Variants in VPS53 observed in about 807,000 individuals in gnomAD.
The protein encoded by VPS53 is vacuolar protein sorting-associated protein 53 homolog.
A neutral mutation model predicts 107.0 loss-of-function variants in VPS53; 70 were observed. That is an observed-to-expected ratio of 0.65 (90% CI 0.54 to 0.80). The LOEUF is 0.80. VPS53 is among the 30% of genes least tolerant of loss of function. The probability of loss-of-function intolerance (pLI) is 0.00; values close to 1 mark genes in which losing one functional copy is unlikely to be tolerated. For missense variants in VPS53, 917 were observed against 1,049.4 expected, an observed-to-expected ratio of 0.87 and a Z score of 1.74; for synonymous variants, 409 against 393.3, an observed-to-expected ratio of 1.04 and a Z score of -0.47.
At chr17:542,224 C>T (rs1910753549) in intron 17 of VPS53, among the ~76,000 whole-genome samples, 1 of 152,152 alleles carries the variant, frequency 6.6e-6, no homozygotes, top group Non-Finnish European at 1.5e-5. Flanking sequence ...ATTATTACTC[C>T]TCTTTGTGAG....
chr17:661,716 C>A (rs780380626), intron 5 of VPS53, 93 bp downstream of exon 5: 87 of 1,225,928 alleles, frequency 7.1e-5, no homozygotes, highest in Non-Finnish European at 9.6e-5. Context: ...GCAGGAGGTG[C>A]CATTATTAGA....
intron 19 of VPS53, among the ~76,000 whole-genome samples, chr17:522,677 G>A (rs1380544600): frequency 6.6e-6 from 1 of 152,230 alleles, no homozygotes; most frequent in Non-Finnish European, 1.5e-5. Flanking sequence ...TGAGGATGTA[G>A]GAGATTTACC....
intron 12 of VPS53, among the ~76,000 whole-genome samples, chr17:592,319 A>T (rs1195334073): frequency 6.6e-6 from 1 of 152,160 alleles, no homozygotes; most frequent in East Asian, 1.9e-4. Flanking sequence ...AATACAGCAC[A>T]CTGATGGGTC....
chr17:709,255 C>T (rs1440121015), intron 2 of VPS53, among the ~76,000 whole-genome samples: 1 of 150,508 alleles, frequency 6.6e-6, no homozygotes, highest in Admixed American at 6.7e-5. Context: ...CCTGGTATCA[C>T]GGCCACCATG....
chr17:603,217 A>G (rs1296400324), intron 11 of VPS53, among the ~76,000 whole-genome samples: 1 of 152,154 alleles, frequency 6.6e-6, no homozygotes, highest in Admixed American at 6.5e-5. Context: ...TGAGGTCAGG[A>G]GTTCAAGACC....
At chr17:628,377 G>T in intron 8 of VPS53, 146 bp from the exon 9 acceptor site, 1 of 954,582 alleles carries the variant, frequency 1.0e-6, no homozygotes, top group Non-Finnish European at 1.5e-6. Flanking sequence ...GGCTGGATCT[G>T]TCAGTTACCT....
intron 15 of VPS53, among the ~76,000 whole-genome samples, chr17:553,693 C>T (rs1057009781): frequency 6.6e-5 from 10 of 151,736 alleles, no homozygotes; most frequent in African/African-American, 2.2e-4. Context: ...GCCTCAGCCT[C>T]CCGAGTAGCT....
intron 13 of VPS53, among the ~76,000 whole-genome samples, chr17:575,681 C>G (rs1914538059): frequency 6.6e-6 from 1 of 151,294 alleles, no homozygotes; most frequent in South Asian, 2.1e-4. Flanking sequence ...CAGGGAACCT[C>G]CCTCAGAACC....
intron 19 of VPS53, among the ~76,000 whole-genome samples, chr17:526,675 G>A (rs1222918879): frequency 2.0e-5 from 3 of 152,230 alleles, no homozygotes; most frequent in African/African-American, 7.2e-5. Flanking sequence ...CTGCCTCAGC[G>A]ATAATTTCTG....
chr17:567,678 G>A (rs980425210), intron 13 of VPS53, among the ~76,000 whole-genome samples: 19 of 151,918 alleles, frequency 1.3e-4, no homozygotes, highest in African/African-American at 4.3e-4. Context: ...GAGGAGGCCA[G>A]GAGTTTGAGA....
intron 17 of VPS53, among the ~76,000 whole-genome samples, chr17:544,812 G>C (rs917755352): frequency 2.0e-5 from 3 of 152,072 alleles, no homozygotes. Context: ...AGGCACAGTG[G>C]CTCACACCTG....
intron 11 of VPS53, among the ~76,000 whole-genome samples, chr17:611,403 C>T (rs1968865621): frequency 6.6e-6 from 1 of 152,190 alleles, no homozygotes; most frequent in African/African-American, 2.4e-5. Flanking sequence ...ACTCTACACC[C>T]ATGAGAATGG....
chr17:696,791 C>CTTTT lies in VPS53; in HGVS notation c.285+623_285+626dup, dbSNP rs67948585. Reference sequence around the variant, plus strand: ...ACTAGATCCAATAAGACTTATAAAACTTTTTTTTTTTTTTTTTTTTGAGAC... The same window carrying CTTTT: ...ACTAGATCCAATAAGACTTATAAAACTTTTTTTTTTTTTTTTTTTTTTTTGAGAC... On this transcript the variant is annotated intron_variant, in intron 4 of 21. Coordinates refer to ENST00000437048, the MANE Select transcript of VPS53 (RefSeq NM_001128159.3). Among the ~76,000 whole-genome samples the CTTTT allele has an allele frequency of 3.3e-4, 37 of 113,758 alleles. 1 individual carries two copies. The highest frequency in any genetic ancestry group is 5.5e-4 in the South Asian group (2 of 3,620). 74.6% of individuals were successfully genotyped at this position (113,758 alleles called of 152,430 possible).
rs1363696582 is a variant in VPS53, at chr17:520,265, T to G, written c.2224-335A>C. Among the ~76,000 whole-genome samples, 1 of 152,162 alleles carries G rather than the reference T, an allele frequency of 6.6e-6. No homozygotes were observed. Among genetic ancestry groups the G allele is most frequent in the Non-Finnish European group, 1.5e-5 (1 of 68,016 alleles). The stretch of plus-strand genomic sequence containing the variant: ...CCCTCCTCTAAAGACTCTAATTCAG[T>G]AGGCCTGGCTGGAGTCCCAGGTGAC... On this transcript the variant is annotated intron_variant, in intron 20 of 21. Coordinates refer to ENST00000437048, the MANE Select transcript of VPS53 (RefSeq NM_001128159.3). The surrounding 1 kb of genome is among the most constrained non-coding windows in gnomAD (Gnocchi z 4.4).
intron 4 of VPS53, among the ~76,000 whole-genome samples, chr17:673,277 C>T (rs16954373): frequency 2.6e-5 from 4 of 152,274 alleles, no homozygotes; most frequent in Non-Finnish European, 5.9e-5. Flanking sequence ...AGGGTCAAGT[C>T]GCCTCTCTTT....
chr17:577,691 T>C (rs1914749258), intron 13 of VPS53, among the ~76,000 whole-genome samples: 2 of 151,638 alleles, frequency 1.3e-5, no homozygotes, highest in East Asian at 1.9e-4. Flanking sequence ...CCTCAGTGCA[T>C]TACCAGAGAA....
intron 4 of VPS53, among the ~76,000 whole-genome samples, chr17:662,788 A>C (rs1459666886): frequency 6.9e-6 from 1 of 144,878 alleles, no homozygotes; most frequent in Non-Finnish European, 1.5e-5. Context: ...AGAAAGAAAA[A>C]AAGAAAGAGA....
chr17:592,553 G>A (rs866664979), intron 12 of VPS53, among the ~76,000 whole-genome samples: 29 of 152,124 alleles, frequency 1.9e-4, no homozygotes, highest in Middle Eastern at 6.8e-3. Flanking sequence ...CATGTTTAGC[G>A]CTTCCTTCAG....
chr17:535,413 T>C (rs563484101), intron 18 of VPS53, among the ~76,000 whole-genome samples: 5 of 136,014 alleles, frequency 3.7e-5, no homozygotes, highest in Non-Finnish European at 6.8e-5. Flanking sequence ...GTCAACGGAC[T>C]CCTCCTTCGC....
Sources: gnomAD v4.1 joint callset for allele counts (sites outside exome capture counted in the v4.1 genomes callset) on GRCh38, gnomAD v4.1.1 for gene constraint, Gnocchi (gnomAD v3.1) non-coding constraint, MANE v1.5 for transcripts, NCBI Gene and HGNC (gene_info 2026-07-23, HGNC 2026-07-21) for gene names.